Variants in WWOX observed in about 807,000 individuals in gnomAD.
The protein encoded by WWOX is WW domain-containing oxidoreductase.
Under a neutral mutation model 46.2 loss-of-function variants are expected in WWOX, and 69 were observed. The observed-to-expected ratio is 1.49, with a 90% CI of 1.23 to 1.82. The LOEUF (loss-of-function observed/expected upper bound fraction) is 1.82. Ranked by LOEUF, WWOX falls within the 40% of genes most tolerant of loss-of-function variation. The pLI is 0.00. For synonymous variants in WWOX, 359 were observed against 202.6 expected (o/e 1.77, Z -6.56); for missense variants, 919 against 542.6 (o/e 1.69, Z -6.89).
At chr16:78,972,261 TG>T (rs1448864344) in intron 8 of WWOX, among the ~76,000 whole-genome samples, 2 of 152,146 alleles carry the variant, frequency 1.3e-5, no homozygotes, top group Non-Finnish European at 2.9e-5. Flanking sequence ...TGTTGCTGTT[TG>T]TAACATTGAA....
At chr16:78,932,731 G>A (rs943723753) in intron 8 of WWOX, among the ~76,000 whole-genome samples, 2 of 152,234 alleles carry the variant, frequency 1.3e-5, no homozygotes. Flanking sequence ...CTGGCCCATT[G>A]CTCAGGGCCT....
chr16:79,065,359 T>C (rs754924680), intron 8 of WWOX, among the ~76,000 whole-genome samples: 2 of 152,152 alleles, frequency 1.3e-5, no homozygotes, highest in Non-Finnish European at 2.9e-5. Flanking sequence ...ATTTGGAGGC[T>C]AGTGTTCTTC....
intron 8 of WWOX, among the ~76,000 whole-genome samples, chr16:78,614,187 C>A (rs530103609): frequency 6.6e-6 from 1 of 152,356 alleles, no homozygotes; most frequent in South Asian, 2.1e-4. Flanking sequence ...CAGCTGTAGA[C>A]TGCTTTTGCC....
chr16:79,081,586 C>A (rs1966516), intron 8 of WWOX, among the ~76,000 whole-genome samples: 18 of 152,182 alleles, frequency 1.2e-4, no homozygotes, highest in African/African-American at 4.3e-4. Context: ...GAACAAAAAT[C>A]TTTACTCTCT....
At chr16:78,466,649 G>T (rs1042931768) in intron 8 of WWOX, among the ~76,000 whole-genome samples, 2 of 151,986 alleles carry the variant, frequency 1.3e-5, no homozygotes, top group Non-Finnish European at 2.9e-5. Flanking sequence ...GGCCAACATG[G>T]TGAAACCCTG....
chr16:78,891,049 A>C (rs2044579215), intron 8 of WWOX: 1 of 152,186 alleles, frequency 6.6e-6, no homozygotes, highest in South Asian at 2.1e-4. Context: ...TATGATGGCT[A>C]GTCTGTTTCA....
intron 8 of WWOX, among the ~76,000 whole-genome samples, chr16:78,972,437 A>G (rs1408892128): frequency 2.7e-5 from 4 of 150,680 alleles, no homozygotes; most frequent in African/African-American, 9.8e-5. Context: ...AGCAGTAGAA[A>G]TAGTCACTGG....
chr16:78,920,125 C>G (rs548209984), intron 8 of WWOX, among the ~76,000 whole-genome samples: 3 of 152,256 alleles, frequency 2.0e-5, no homozygotes, highest in East Asian at 3.9e-4. Context: ...GTAGGGCCGT[C>G]AAGAGCTGGC....
At chr16:78,838,417 C>T (rs1184636636) in intron 8 of WWOX, among the ~76,000 whole-genome samples, 1 of 152,128 alleles carries the variant, frequency 6.6e-6, no homozygotes. Context: ...TTGAGACTTA[C>T]ACGTATACAC....
intron 4 of WWOX, among the ~76,000 whole-genome samples, chr16:78,141,021 T>G (rs1010445715): frequency 6.6e-6 from 1 of 152,226 alleles, no homozygotes; most frequent in Non-Finnish European, 1.5e-5. Context: ...ACGTGCAGCT[T>G]ACTTTCTTAT....
At chr16:78,505,102 G>A (rs2085161553) in intron 8 of WWOX, among the ~76,000 whole-genome samples, 2 of 152,068 alleles carry the variant, frequency 1.3e-5, no homozygotes, top group Admixed American at 1.3e-4. Flanking sequence ...GCACAATAGG[G>A]TTTAGAGCGT....
At chr16:79,105,591 C>A (rs2049291781) in intron 8 of WWOX, among the ~76,000 whole-genome samples, 1 of 151,664 alleles carries the variant, frequency 6.6e-6, no homozygotes, top group South Asian at 2.1e-4. Context: ...GTCACAGAAA[C>A]AATTATATTG....
chr16:78,382,741 C>G (rs574831204), intron 5 of WWOX, among the ~76,000 whole-genome samples: 2 of 152,070 alleles, frequency 1.3e-5, no homozygotes, highest in African/African-American at 4.8e-5. Flanking sequence ...AGTTCTATGT[C>G]TTGAATGTGG....
At chr16:78,828,965 A>G (rs1473915380) in intron 8 of WWOX, among the ~76,000 whole-genome samples, 1 of 152,250 alleles carries the variant, frequency 6.6e-6, no homozygotes, top group African/African-American at 2.4e-5. Flanking sequence ...TGCCAAAGCG[A>G]CACAGCCATG....
chr16:78,853,188 C>A (rs1053910999), intron 8 of WWOX, among the ~76,000 whole-genome samples: 1 of 152,104 alleles, frequency 6.6e-6, no homozygotes, highest in Admixed American at 6.6e-5. Context: ...ATGGCAAATG[C>A]ATAGTAAATA....
At chr16:78,811,298 C>T (rs535384364) in intron 8 of WWOX, among the ~76,000 whole-genome samples, 2 of 152,256 alleles carry the variant, frequency 1.3e-5, no homozygotes, top group South Asian at 2.1e-4. Flanking sequence ...CTCTGTGATT[C>T]ATAGGCTCTC....
Position 78,855,998 on chromosome 16 carries a change from G to A in WWOX, c.1057-355610G>A, listed in dbSNP as rs1249983855. On this transcript the variant is annotated intron_variant, in intron 8 of 8. Coordinates refer to ENST00000566780, the MANE Select transcript of WWOX (RefSeq NM_016373.4). Reference sequence around the variant, plus strand: ...CACGCACAAGGTACCCAAGAAGGAGGTGACTAACTTTATCTAACTTTACTT... The same window carrying A: ...CACGCACAAGGTACCCAAGAAGGAGATGACTAACTTTATCTAACTTTACTT... Among the ~76,000 whole-genome samples the A allele has an allele frequency of 3.3e-5, 5 of 152,136 alleles. 1 individual carries two copies. The highest frequency in any genetic ancestry group is 2.4e-5 in the African/African-American group (1 of 41,424).
At chr16:78,159,672 G>GTTTTTTT (rs35468343) in intron 4 of WWOX, among the ~76,000 whole-genome samples, 357 of 55,104 alleles carry the variant, frequency 6.5e-3, no homozygotes, top group Non-Finnish European at 7.3e-3. Context: ...AAAATCTGTG[G>GTTTTTTT]TTTTTTTTTT....
intron 8 of WWOX, among the ~76,000 whole-genome samples, chr16:79,126,607 A>C (rs1054318505): frequency 7.2e-5 from 11 of 152,186 alleles, no homozygotes; most frequent in African/African-American, 2.7e-4. Flanking sequence ...CGGTGAGTCA[A>C]TTAAACCTCT....
Sources: gnomAD v4.1 joint callset for allele counts (sites outside exome capture counted in the v4.1 genomes callset) on GRCh38, gnomAD v4.1.1 for gene constraint, MANE v1.5 for transcripts, NCBI Gene and HGNC (gene_info 2026-07-23, HGNC 2026-07-21) for gene names.